Variants in ZEB2 observed in about 807,000 individuals in gnomAD.
ZEB2 encodes the protein zinc finger E-box-binding homeobox 2.
A neutral mutation model predicts 99.9 loss-of-function variants in ZEB2; 6 were observed. The ratio of observed to expected loss-of-function variants is 0.06; its 90% CI spans 0.03 to 0.12. The LOEUF is 0.12. ZEB2 is among the 10% of genes least tolerant of loss of function. The pLI is 1.00. For missense variants in ZEB2, 969 were observed against 1,502.8 expected (o/e 0.64, Z 5.87); for synonymous variants, 517 against 542.5 (o/e 0.95, Z 0.65).
At chr2:144,499,736 T>TC (rs962080032) in intron 2 of ZEB2, among the ~76,000 whole-genome samples, 1 of 152,084 alleles carries the variant, frequency 6.6e-6, no homozygotes, top group Non-Finnish European at 1.5e-5. Flanking sequence ...TGGACAGATT[T>TC]CCCCCCATGT....
At position 144,517,398 on chromosome 2, in the gene ZEB2, T is replaced by G; in HGVS notation, c.-48A>C. 6.2e-7 allele frequency: 1 copy of G among 1,604,172 alleles called. No individual in the cohort carries two copies. The highest frequency in any genetic ancestry group is 8.5e-7 in the Non-Finnish European group (1 of 1,171,534). On this transcript the variant is annotated 5_prime_UTR_variant, in exon 2 of 10. Coordinates refer to ENST00000627532, the MANE Select transcript of ZEB2 (RefSeq NM_014795.4). ...AGTTCGCATGGACTCGGCGCCCTGC[T>G]TCGGCAGCACGCAGGCTCGATCTAG...
chr2:144,403,891 A>T lies in ZEB2; in HGVS notation c.807+25T>A, dbSNP rs370866413. 6 of 1,613,892 alleles carry T rather than the reference A, an allele frequency of 3.7e-6. No homozygotes were observed. In the African/African-American group the frequency reaches 8.0e-5, roughly 22 times the overall value. ...TTCTCTAAGGGGTTATTATAGAAAG[A>T]AATCACTTAAAACCATCCCCCCACC... On this transcript the variant is annotated intron_variant, in intron 6 of 9. Transcript: ENST00000627532.
intron 2 of ZEB2, among the ~76,000 whole-genome samples, chr2:144,465,750 A>G (rs1320702080): frequency 6.6e-6 from 1 of 152,202 alleles, no homozygotes; most frequent in Non-Finnish European, 1.5e-5. Flanking sequence ...GCATTCTAAA[A>G]TAAAGGAAAT....
chr2:144,398,065 A>G (rs1001506101), intron 8 of ZEB2: 1 of 446,918 alleles, frequency 2.2e-6, no homozygotes, highest in Non-Finnish European at 4.1e-6. Context: ...AATACATCTC[A>G]AAATAAATAT....
intron 2 of ZEB2, among the ~76,000 whole-genome samples, chr2:144,454,448 T>C (rs988296532): frequency 2.0e-5 from 3 of 152,190 alleles, no homozygotes; most frequent in Admixed American, 2.0e-4. Context: ...GAATTTCCCA[T>C]GCCACGTTTT....
At chr2:144,391,109 T>C (rs1363143184) in intron 9 of ZEB2, among the ~76,000 whole-genome samples, 1 of 152,228 alleles carries the variant, frequency 6.6e-6, no homozygotes. Context: ...GTTTGCTAAG[T>C]GTCATGTTAT....
At chr2:144,448,955 C>T (rs1028569097) in intron 2 of ZEB2, 3 of 152,220 alleles carry the variant, frequency 2.0e-5, no homozygotes, top group Non-Finnish European at 4.4e-5. Context: ...CGTGGGTGTA[C>T]CACTTATGTC....
intron 2 of ZEB2, among the ~76,000 whole-genome samples, chr2:144,476,487 G>A (rs1031656455): frequency 2.6e-5 from 4 of 152,158 alleles, no homozygotes; most frequent in African/African-American, 4.8e-5. Context: ...ATGGTGGAAA[G>A]GTAGAATGCT....
At chr2:144,404,486 G>A (rs1476352396) in intron 5 of ZEB2, among the ~76,000 whole-genome samples, 1 of 151,942 alleles carries the variant, frequency 6.6e-6, no homozygotes, top group Non-Finnish European at 1.5e-5. Context: ...GTGAAGGGGC[G>A]TTTCAGGTGT....
At position 144,508,927 on chromosome 2, in the gene ZEB2, C is replaced by T. The variant is rs1045988301; in HGVS notation, c.73+8351G>A. On this transcript the variant is annotated intron_variant, in intron 2 of 9. Coordinates refer to ENST00000627532, the MANE Select transcript of ZEB2 (RefSeq NM_014795.4). ...GAAAATAGCTTTTCTAAAGATATTTCCTGGAATTTTTAATGTGCTGCCTTG... is the reference window on the plus strand; with the variant it reads ...GAAAATAGCTTTTCTAAAGATATTTTCTGGAATTTTTAATGTGCTGCCTTG... 2.0e-5 allele frequency among the ~76,000 whole-genome samples: 3 copies of T among 152,106 alleles called. No individual in the cohort carries two copies. In the East Asian group the frequency reaches 5.8e-4, roughly 29 times the overall value.
chr2:144,498,055 TA>T (rs1704808293), intron 2 of ZEB2, among the ~76,000 whole-genome samples: 2 of 77,014 alleles, frequency 2.6e-5, no homozygotes, highest in African/African-American at 5.0e-5. Context: ...TTATATATTA[TA>T]TAATATATAT....
In ZEB2 at chr2:144,398,468, C is replaced by T. The variant is rs1323891287; in HGVS notation, c.2719G>A (p.Ala907Thr). 6.2e-7 allele frequency: 1 copy of T among 1,613,970 alleles called. No homozygotes were observed. The highest frequency in any genetic ancestry group is 1.1e-5 in the South Asian group (1 of 91,064). ...ALPPQSAFPP[A>T]TFMPPVQTSI... ...GTCTGGACTGGTGGCATGAAAGTAG[C>T]AGGGGGAAATGCGCTTTGAGGTGGA... Residue 907 changes from alanine (A) to threonine (T), a missense_variant, in exon 8 of 10, where the codon GCT becomes ACT. Physicochemically the swap from Ala to Thr is moderately conservative, Grantham distance 58. Around this residue, in one of 8 missense-constraint regions of ZEB2, gnomAD observed 346 missense variants for 460.0 expected, o/e 0.75. Transcript: ENST00000627532.
chr2:144,492,596 C>T (rs1024793445), intron 2 of ZEB2, among the ~76,000 whole-genome samples: 1 of 152,198 alleles, frequency 6.6e-6, no homozygotes, highest in African/African-American at 2.4e-5. Flanking sequence ...CCAAAGCCTA[C>T]ACTCTTCCGA....
intron 4 of ZEB2, among the ~76,000 whole-genome samples, chr2:144,424,594 G>T (rs1023608413): frequency 2.6e-5 from 4 of 152,174 alleles, no homozygotes; most frequent in Non-Finnish European, 5.9e-5. Flanking sequence ...TAAATTAGGG[G>T]TGTGAGAATG....
At chr2:144,512,196 T>A (rs1705051707) in intron 2 of ZEB2, 1 of 1,287,116 alleles carries the variant, frequency 7.8e-7, no homozygotes, top group South Asian at 1.2e-5. Flanking sequence ...TCCCTCTCTC[T>A]GTGACAGGCA....
intron 2 of ZEB2, among the ~76,000 whole-genome samples, chr2:144,487,919 C>T (rs1347667866): frequency 6.6e-6 from 1 of 152,222 alleles, no homozygotes; most frequent in Non-Finnish European, 1.5e-5. Context: ...TAGGATTTCA[C>T]TGTGAGCCTT....
chr2:144,491,071 A>G (rs1704672164), intron 2 of ZEB2, among the ~76,000 whole-genome samples: 1 of 152,234 alleles, frequency 6.6e-6, no homozygotes, highest in African/African-American at 2.4e-5. Flanking sequence ...AACAGCTCAG[A>G]AGAAGCTGTT....
At chr2:144,488,256 C>T (rs1307178668) in intron 2 of ZEB2, among the ~76,000 whole-genome samples, 2 of 152,160 alleles carry the variant, frequency 1.3e-5, no homozygotes, top group African/African-American at 4.8e-5. Flanking sequence ...CAATAAGACC[C>T]TAGGCACCTT....
chr2:144,476,252 C>T (rs770340382), intron 2 of ZEB2, among the ~76,000 whole-genome samples: 2 of 151,950 alleles, frequency 1.3e-5, no homozygotes, highest in East Asian at 1.9e-4. Flanking sequence ...GGGAATTAAT[C>T]GAAATGAGAT....
Sources: allele counts gnomAD v4.1 joint callset (sites outside exome capture counted in the v4.1 genomes callset), GRCh38; gene constraint gnomAD v4.1.1; regional missense constraint gnomAD v4.1.1; transcripts MANE v1.5; gene names NCBI Gene and HGNC (gene_info 2026-07-23, HGNC 2026-07-21).